TMCO5A: variants seen among roughly 807,000 people sequenced by gnomAD.
TMCO5A encodes transmembrane and coiled-coil domain-containing protein 5A.
In TMCO5A, 34 loss-of-function variants were observed where a neutral mutation model predicts 42.3. That is an observed-to-expected ratio of 0.80 (90% CI 0.61 to 1.07). The LOEUF (loss-of-function observed/expected upper bound fraction) is 1.07. Among genes scored for constraint, TMCO5A ranks in the 50% least tolerant of loss-of-function variants. The probability of loss-of-function intolerance (pLI) is 0.00; values close to 1 mark genes in which losing one functional copy is unlikely to be tolerated. For synonymous variants in TMCO5A, 131 were observed against 115.6 expected, an observed-to-expected ratio of 1.13 and a Z score of -0.86; for missense variants, 357 against 327.9, an observed-to-expected ratio of 1.09 and a Z score of -0.69.
chr15:37,962,815 C>T (rs974323790), intron 11 of TMCO5A, among the ~76,000 whole-genome samples: 11 of 152,006 alleles, frequency 7.2e-5, no homozygotes, highest in East Asian at 1.9e-4. Context: ...TAGATTTTAT[C>T]GTTTATATGT....
chr15:38,000,949 C>A, the TMCO5A span, among the ~76,000 whole-genome samples: 1 of 152,190 alleles, frequency 6.6e-6, no homozygotes, highest in East Asian at 1.9e-4. Context: ...AATCCATATG[C>A]TGAGTAAAAG....
In TMCO5A at chr15:37,951,199, C is replaced by G. The variant is rs1344107778; in HGVS notation, c.832C>G (p.Leu278Val). 6.2e-7 allele frequency: 1 copy of G among 1,613,802 alleles called. No homozygotes were observed. Among genetic ancestry groups the G allele is most frequent in the East Asian group, 2.2e-5 (1 of 44,852 alleles). Reference sequence around the variant, plus strand: ...GCTCAGATGCTTCTTCTTTCCATCTCTCACACTTGAGACAGAGGACATGTT... The same window carrying G: ...GCTCAGATGCTTCTTCTTTCCATCTGTCACACTTGAGACAGAGGACATGTT... ...WKLRCFFFPS[L>V]TLETEDMLPH The change falls in exon 12 of 12, where the codon CTC becomes GTC. Residue 278 changes from leucine to valine, a missense_variant. Leu to Val is a conservative substitution (Grantham distance 32, BLOSUM62 1). Transcript: ENST00000319669.
the TMCO5A span, among the ~76,000 whole-genome samples, chr15:38,008,987 A>G: frequency 6.6e-6 from 1 of 152,216 alleles, no homozygotes; most frequent in Non-Finnish European, 1.5e-5. Context: ...GCCCCCAAGA[A>G]GAAACATATG....
the TMCO5A span, among the ~76,000 whole-genome samples, chr15:38,010,062 A>G: frequency 1.3e-5 from 2 of 151,996 alleles, no homozygotes; most frequent in South Asian, 4.2e-4. Flanking sequence ...CCTAAACTCA[A>G]TTGCAGGTAT....
chr15:38,019,602 T>C, the TMCO5A span, among the ~76,000 whole-genome samples: 1 of 152,072 alleles, frequency 6.6e-6, no homozygotes, highest in Non-Finnish European at 1.5e-5. Context: ...TGGTACATTA[T>C]ACTAGAGTTC....
chr15:37,960,271 A>G (rs1890389939), intron 11 of TMCO5A, among the ~76,000 whole-genome samples: 1 of 152,060 alleles, frequency 6.6e-6, no homozygotes, highest in Non-Finnish European at 1.5e-5. Flanking sequence ...CATATCAGTA[A>G]TAACATATGA....
chr15:37,947,482 T>A lies in TMCO5A; in HGVS notation c.628-174T>A, dbSNP rs545648365. ...TGTAAAAAGGTAGGACAAATAACAA[T>A]AATAATAAACATATTTTAAAATTTT... On this transcript the variant is annotated intron_variant, in intron 10 of 11. Coordinates refer to ENST00000319669, the MANE Select transcript of TMCO5A (RefSeq NM_152453.4). Among the ~76,000 whole-genome samples, 7 of 152,134 alleles carry A rather than the reference T, an allele frequency of 4.6e-5. No homozygotes were observed. The South Asian group carries it at 1.2e-3, about 27-fold the overall frequency.
chr15:38,029,702 G>T, the TMCO5A span, among the ~76,000 whole-genome samples: 6 of 152,054 alleles, frequency 3.9e-5, no homozygotes, highest in African/African-American at 1.4e-4. Flanking sequence ...CACCTGCCTT[G>T]GTTTCCCAAA....
the TMCO5A span, among the ~76,000 whole-genome samples, chr15:38,026,134 C>T: frequency 1.3e-5 from 2 of 152,266 alleles, no homozygotes; most frequent in East Asian, 3.8e-4. Context: ...GTGGAAGAGA[C>T]TTTGAAACTG....
chr15:37,986,484 T>A, the TMCO5A span, among the ~76,000 whole-genome samples: 1 of 151,690 alleles, frequency 6.6e-6, no homozygotes, highest in East Asian at 1.9e-4. Context: ...TCTTAATAAT[T>A]TTTAAGTGTA....
At chr15:38,031,104 C>T in the TMCO5A span, among the ~76,000 whole-genome samples, 2 of 152,274 alleles carry the variant, frequency 1.3e-5, no homozygotes, top group East Asian at 3.9e-4. Context: ...AACACCCAGG[C>T]TTTAGAAATG....
At chr15:38,007,154 C>T in the TMCO5A span, among the ~76,000 whole-genome samples, 4 of 152,148 alleles carry the variant, frequency 2.6e-5, no homozygotes, top group African/African-American at 9.7e-5. Context: ...GAGTTTTGCC[C>T]ATGAACCATA....
chr15:37,987,106 T>C, the TMCO5A span, among the ~76,000 whole-genome samples: 2 of 152,186 alleles, frequency 1.3e-5, no homozygotes, highest in South Asian at 4.1e-4. Flanking sequence ...TCCTAATGTG[T>C]GTAAGGTGAT....
chr15:37,943,486 C>G, intron 10 of TMCO5A, 88 bp downstream of exon 10: 1 of 1,288,336 alleles, frequency 7.8e-7, no homozygotes, highest in Non-Finnish European at 1.1e-6. Context: ...CAAATATATA[C>G]CCAATCTTGC....
chr15:38,019,806 G>A, the TMCO5A span, among the ~76,000 whole-genome samples: 1 of 151,050 alleles, frequency 6.6e-6, no homozygotes, highest in South Asian at 2.1e-4. Flanking sequence ...TAGAGACGGG[G>A]TCTTGCCTTG....
the TMCO5A span, among the ~76,000 whole-genome samples, chr15:38,030,141 C>T: frequency 1.3e-5 from 2 of 152,274 alleles, no homozygotes; most frequent in East Asian, 3.9e-4. Flanking sequence ...ACATAACTTT[C>T]AGGAGACTAA....
At chr15:37,948,264 G>A (rs759326097) in intron 11 of TMCO5A, among the ~76,000 whole-genome samples, 7 of 152,102 alleles carry the variant, frequency 4.6e-5, no homozygotes, top group East Asian at 1.9e-4. Flanking sequence ...AGTAAAATTG[G>A]TATTCACGAA....
At chr15:37,986,747 A>G in the TMCO5A span, among the ~76,000 whole-genome samples, 1 of 151,902 alleles carries the variant, frequency 6.6e-6, no homozygotes, top group Admixed American at 6.6e-5. Context: ...TATGTCTTCA[A>G]GTTTCATCCA....
the TMCO5A span, among the ~76,000 whole-genome samples, chr15:38,001,956 C>T: frequency 1.3e-5 from 2 of 152,066 alleles, no homozygotes; most frequent in Admixed American, 6.6e-5. Flanking sequence ...AGATTACACA[C>T]CACAATTATT....
Sources: gnomAD v4.1 joint callset for allele counts (sites outside exome capture counted in the v4.1 genomes callset) on GRCh38, gnomAD v4.1.1 for gene constraint, MANE v1.5 for transcripts, NCBI Gene and HGNC (gene_info 2026-07-23, HGNC 2026-07-21) for gene names.